The following CD38 variants were observed in gnomAD, a reference collection of about 807,000 sequenced individuals.
CD38 encodes the protein CD38 molecule, also known as ADP-ribosyl cyclase/cyclic ADP-ribose hydrolase 1.
CD38 carries 31 observed loss-of-function variants against 36.3 expected under a neutral mutation model. That is an observed-to-expected ratio of 0.85 (90% CI 0.64 to 1.15). CD38 has a LOEUF of 1.15. CD38 is among the 50% of genes most tolerant of loss of function. The probability of loss-of-function intolerance (pLI) is 0.00; values close to 1 mark genes in which losing one functional copy is unlikely to be tolerated. For missense variants in CD38, 380 were observed against 371.9 expected, an observed-to-expected ratio of 1.02 and a Z score of -0.18; for synonymous variants, 131 against 135.2, an observed-to-expected ratio of 0.97 and a Z score of 0.22.
intron 1 of CD38, among the ~76,000 whole-genome samples, chr4:15,781,269 C>A (rs1717758252): frequency 6.6e-6 from 1 of 152,172 alleles, no homozygotes. Context: ...TGCCTTTCTT[C>A]TAGTTGCTAA....
rs1560320946 is a variant in CD38 at position 15,840,069 on chromosome 4, G to T, written c.703G>T (p.Val235Phe). The change falls in exon 6 of 8, where the codon GTT becomes TTT. Residue 235 changes from valine (V) to phenylalanine (F), a missense_variant. Coordinates refer to ENST00000226279, the MANE Select transcript of CD38 (RefSeq NM_001775.4). ...VEVHNLQPEK[V>F]QTLEAWVIHG... The stretch of plus-strand genomic sequence containing the variant: ...AGTCCATAATTTGCAACCAGAGAAG[G>T]TTCAGACACTAGAGGCCTGGGTGAT... 1 of 1,613,804 alleles carries T rather than the reference G, an allele frequency of 6.2e-7. No homozygotes were observed. Among genetic ancestry groups the T allele is most frequent in the Admixed American group, 1.7e-5 (1 of 60,028 alleles).
At chr4:15,801,413 G>A (rs1253926235) in intron 1 of CD38, among the ~76,000 whole-genome samples, 3 of 151,782 alleles carry the variant, frequency 2.0e-5, no homozygotes, top group Admixed American at 1.3e-4. Context: ...AAAATTGAAG[G>A]GAAGAGAATT....
rs1273130766 is a variant in CD38 at position 15,778,806 on chromosome 4, T to C, written c.233+159T>C. ...GAGTAGGGAGTCCCGGGCTCGGGGC[T>C]CCGCGGGCCGCTTTCAGGAGCAGCT... On this transcript the variant is annotated intron_variant, in intron 1 of 7. Transcript: ENST00000226279. This position sits in a 1 kb window ranked among gnomAD's most constrained non-coding sequence, Gnocchi z 4.9. Among the ~76,000 whole-genome samples the C allele has an allele frequency of 6.6e-6, 1 of 151,434 alleles. No individual in the cohort carries two copies. Among genetic ancestry groups the C allele is most frequent in the Non-Finnish European group, 1.5e-5 (1 of 67,858 alleles).
chr4:15,785,508 G>A (rs982150577), intron 1 of CD38, among the ~76,000 whole-genome samples: 9 of 151,410 alleles, frequency 5.9e-5, no homozygotes, highest in Admixed American at 1.3e-4. Context: ...TGCAAGCAGT[G>A]GTGGTGTTCA....
chr4:15,814,551 G>C (rs1033973779), intron 1 of CD38, among the ~76,000 whole-genome samples: 1 of 152,004 alleles, frequency 6.6e-6, no homozygotes, highest in Non-Finnish European at 1.5e-5. Context: ...CTAGATTTTC[G>C]TCTAGGGTTT....
In CD38 at chr4:15,816,749, T is replaced by C. The variant is rs763619983; in HGVS notation, c.363+109T>C. ...GAAGGAAGAGGAAAAATCCAGACAT[T>C]ATAGTGTGAGTGTGGTTGGTAGGAA... On this transcript the variant is annotated intron_variant, in intron 2 of 7. Transcript: ENST00000226279. 5.9e-6 allele frequency: 7 copies of C among 1,192,512 alleles called. No individual in the cohort carries two copies. The African/African-American group carries it at 7.5e-5, about 13-fold the overall frequency. The allele number at this position is 1,192,512 out of a possible 1,614,324, so 73.9% of individuals were successfully genotyped here. A position where few individuals can be genotyped will look rare whatever the true frequency, so the allele number is the denominator to read the frequency against.
At chr4:15,847,754 T>C (rs1724295282) in intron 7 of CD38, among the ~76,000 whole-genome samples, 1 of 152,222 alleles carries the variant, frequency 6.6e-6, no homozygotes. Context: ...TTTACCTTTT[T>C]TGTCTTATGA....
At chr4:15,828,239 C>G (rs1054442496) in intron 3 of CD38, among the ~76,000 whole-genome samples, 9 of 152,084 alleles carry the variant, frequency 5.9e-5, no homozygotes, top group African/African-American at 2.2e-4. Flanking sequence ...TGGTCTTGAA[C>G]TCCTGGGCTC....
chr4:15,827,843 A>G (rs1723882296), intron 3 of CD38, among the ~76,000 whole-genome samples: 1 of 151,840 alleles, frequency 6.6e-6, no homozygotes, highest in Non-Finnish European at 1.5e-5. Context: ...TCAATTTTTA[A>G]TTTCTTCTTA....
intron 1 of CD38, among the ~76,000 whole-genome samples, chr4:15,809,909 C>T (rs3796870): frequency 0.44 from 66,813 of 151,978 alleles, 17,068 homozygotes; most frequent in African/African-American, 0.72. Flanking sequence ...CATATATATC[C>T]AAACCAACAA....
intron 1 of CD38, among the ~76,000 whole-genome samples, chr4:15,808,857 T>C (rs949142725): frequency 4.6e-5 from 7 of 152,230 alleles, no homozygotes; most frequent in Admixed American, 4.6e-4. Context: ...GAAAAGCTTT[T>C]CTTTCTCTAA....
chr4:15,833,534 G>A (rs1723999809), intron 3 of CD38, among the ~76,000 whole-genome samples: 2 of 151,996 alleles, frequency 1.3e-5, no homozygotes, highest in Non-Finnish European at 2.9e-5. Context: ...GTGTGGTTTT[G>A]GTTTTAAAGC....
chr4:15,795,127 T>C (rs1723080122), intron 1 of CD38, among the ~76,000 whole-genome samples: 1 of 152,134 alleles, frequency 6.6e-6, no homozygotes, highest in Non-Finnish European at 1.5e-5. Context: ...AAAGACAGTT[T>C]TCTTGAATAA....
chr4:15,828,244 G>A (rs1723890530), intron 3 of CD38, among the ~76,000 whole-genome samples: 1 of 151,976 alleles, frequency 6.6e-6, no homozygotes, highest in Admixed American at 6.6e-5. Flanking sequence ...TTGAACTCCT[G>A]GGCTCAAGCG....
intron 7 of CD38, among the ~76,000 whole-genome samples, chr4:15,847,993 G>A (rs958996194): frequency 4.6e-5 from 7 of 152,122 alleles, no homozygotes; most frequent in African/African-American, 1.7e-4. Flanking sequence ...AGAAGCCCAG[G>A]GGTGCTGGCA....
chr4:15,848,389 C>G, intron 7 of CD38, 150 bp from the exon 8 acceptor site: 1 of 525,562 alleles, frequency 1.9e-6, no homozygotes, highest in Middle Eastern at 3.7e-4. Flanking sequence ...GCTCCCCTCC[C>G]GACATGTCAC....
rs1241871493 is a variant in CD38, at chr4:15,804,425, CT to C, written c.234-12085del. 9.9e-5 allele frequency among the ~76,000 whole-genome samples: 15 copies of C among 152,242 alleles called. No individual in the cohort carries two copies. In the East Asian group the frequency reaches 2.3e-3, roughly 24 times the overall value. ...TGATCCAGTAATCTCGCTACTGGAC[CT>C]ATATCCAAAGAAAATAAAATCATAT... is the stretch of plus-strand genomic sequence containing the variant. On this transcript the variant is annotated intron_variant, in intron 1 of 7. Coordinates refer to ENST00000226279, the MANE Select transcript of CD38 (RefSeq NM_001775.4).
At chr4:15,812,247 T>C (rs1723490362) in intron 1 of CD38, among the ~76,000 whole-genome samples, 1 of 152,186 alleles carries the variant, frequency 6.6e-6, no homozygotes, top group Non-Finnish European at 1.5e-5. Context: ...TCAACTTTGG[T>C]CTTCTTTTTC....
intron 1 of CD38, 36 bp from the exon 2 acceptor site, chr4:15,816,473 CAA>C: frequency 1.3e-6 from 2 of 1,511,244 alleles, no homozygotes; most frequent in Non-Finnish European, 1.8e-6. Flanking sequence ...TTTTTAAAAT[CAA>C]ATAATTTATG....
Sources: allele counts gnomAD v4.1 joint callset (sites outside exome capture counted in the v4.1 genomes callset), GRCh38; gene constraint gnomAD v4.1.1; non-coding constraint Gnocchi (gnomAD v3.1); transcripts MANE v1.5; gene names NCBI Gene and HGNC (gene_info 2026-07-23, HGNC 2026-07-21).